Variants in ANK2 observed in about 807,000 individuals in gnomAD.
ANK2 encodes the protein ankyrin-2.
Under a neutral mutation model 360.5 loss-of-function variants are expected in ANK2, and 83 were observed. The observed-to-expected ratio is 0.23, with a 90% CI of 0.19 to 0.28. The LOEUF (loss-of-function observed/expected upper bound fraction) is 0.28, where lower values mean the gene tolerates loss of function less well. Ranked by LOEUF, ANK2 falls within the 10% of genes least tolerant of loss-of-function variation. The pLI, the probability that ANK2 is intolerant of heterozygous loss-of-function variation, is 1.00. For missense variants in ANK2, 4,201 were observed against 4,795.7 expected (o/e 0.88, Z 3.66); for synonymous variants, 1,740 against 1,759.5 (o/e 0.99, Z 0.28).
At position 113,281,791 on chromosome 4, in the gene ANK2, G is replaced by A. The variant is rs2062498058; in HGVS notation, c.1882-884G>A. ...GTATAGAGTTTTGTTCTTGTAAGCAGAGTATGAGTTTTCCTGTCCCTCTCC... is the reference window on the plus strand; with the variant it reads ...GTATAGAGTTTTGTTCTTGTAAGCAAAGTATGAGTTTTCCTGTCCCTCTCC... On this transcript the variant is annotated intron_variant, in intron 17 of 45. Transcript: ENST00000357077. Among the ~76,000 whole-genome samples, 3 of 152,234 alleles carry A rather than the reference G, an allele frequency of 2.0e-5. No individual in the cohort carries two copies. The South Asian group carries it at 6.2e-4, about 32-fold the overall frequency.
At chr4:112,936,788 TTTTG>T (rs955705548) in intron 2 of ANK2, among the ~76,000 whole-genome samples, 7 of 151,658 alleles carry the variant, frequency 4.6e-5, no homozygotes, top group East Asian at 1.9e-4. Context: ...ATAATTTTTT[TTTTG>T]TTTGTTTGTT....
the ANK2 span, among the ~76,000 whole-genome samples, chr4:112,758,757 T>TA: frequency 6.6e-6 from 1 of 152,168 alleles, no homozygotes; most frequent in African/African-American, 2.4e-5. Context: ...CTTTGCCAAA[T>TA]ACTGTAGTAA....
rs895926386 is a variant in ANK2, at chr4:113,354,724, A to T, written c.6106A>T (p.Ile2036Leu). Reference protein sequence around the residue: ...KVRVEKEKGPILTQREAQKTE... With the variant: ...KVRVEKEKGPLLTQREAQKTE... The stretch of plus-strand genomic sequence containing the variant: ...TCGGGTAGAAAAAGAAAAGGGGCCG[A>T]TACTAACCCAGAGAGAAGCTCAGAA... Residue 2036 changes from isoleucine to leucine, a missense_variant, in exon 38 of 46, where the codon ATA becomes TTA. Transcript: ENST00000357077. 1.2e-6 allele frequency: 2 copies of T among 1,613,640 alleles called. No individual in the cohort carries two copies. Among genetic ancestry groups the T allele is most frequent in the African/African-American group, 1.3e-5 (1 of 74,826 alleles).
At chr4:113,055,946 G>A (rs1421660940) in intron 1 of ANK2, among the ~76,000 whole-genome samples, 2 of 152,068 alleles carry the variant, frequency 1.3e-5, no homozygotes, top group Non-Finnish European at 2.9e-5. Flanking sequence ...TTCCAAAAAT[G>A]CTCACTCTTA....
intron 1 of ANK2, among the ~76,000 whole-genome samples, chr4:113,113,445 T>A (rs543673373): frequency 6.6e-6 from 1 of 152,200 alleles, no homozygotes; most frequent in South Asian, 2.1e-4. Flanking sequence ...ATCAATGGAG[T>A]GCTGGACAGT....
At chr4:113,184,165 C>T (rs534544963) in intron 2 of ANK2, among the ~76,000 whole-genome samples, 1 of 150,892 alleles carries the variant, frequency 6.6e-6, no homozygotes, top group African/African-American at 2.4e-5. Flanking sequence ...CAGATTTAGC[C>T]CAGAGTATTT....
chr4:112,825,709 G>C (rs2058282428), intron 1 of ANK2, among the ~76,000 whole-genome samples: 1 of 152,108 alleles, frequency 6.6e-6, no homozygotes, highest in Non-Finnish European at 1.5e-5. Flanking sequence ...TGACATAAGA[G>C]CCTTCAGAAA....
intron 1 of ANK2, among the ~76,000 whole-genome samples, chr4:113,164,604 G>A (rs114227404): frequency 0.012 from 1,877 of 152,256 alleles, 35 homozygotes; most frequent in African/African-American, 0.043. Flanking sequence ...GAGACCAATG[G>A]GGATAAAAAT....
intron 4 of ANK2, among the ~76,000 whole-genome samples, chr4:113,220,881 C>T (rs976166045): frequency 6.6e-6 from 1 of 152,238 alleles, no homozygotes; most frequent in African/African-American, 2.4e-5. Context: ...TTATTGGACA[C>T]TTACTATGTT....
intron 1 of ANK2, among the ~76,000 whole-genome samples, chr4:112,888,743 A>T (rs982234696): frequency 4.6e-5 from 7 of 152,204 alleles, no homozygotes; most frequent in Non-Finnish European, 8.8e-5. Flanking sequence ...TGGTCTGATT[A>T]TAGTTAATCC....
intron 38 of ANK2, among the ~76,000 whole-genome samples, chr4:113,360,456 C>G (rs181927338): frequency 3.9e-5 from 6 of 151,972 alleles, no homozygotes; most frequent in African/African-American, 1.2e-4. Context: ...GCCAATTGCT[C>G]TACTTCTGCA....
chr4:113,201,723 G>A (rs6533673), intron 4 of ANK2, among the ~76,000 whole-genome samples: 90,091 of 152,038 alleles, frequency 0.59, 26,908 homozygotes, highest in African/African-American at 0.67. Flanking sequence ...TGTTAAAGCT[G>A]TGATACCAGT....
chr4:112,721,778 T>C, the ANK2 span, among the ~76,000 whole-genome samples: 1 of 152,120 alleles, frequency 6.6e-6, no homozygotes, highest in Admixed American at 6.5e-5. Context: ...TATGCAGGTG[T>C]GATGAAAATG....
chr4:112,988,448 T>C (rs1449099521), intron 2 of ANK2, among the ~76,000 whole-genome samples: 2 of 152,138 alleles, frequency 1.3e-5, no homozygotes, highest in East Asian at 1.9e-4. Context: ...GGTTCTGAGA[T>C]GTGAAAGAAA....
chr4:113,268,254 C>T (rs372453298), intron 14 of ANK2, among the ~76,000 whole-genome samples: 1 of 152,176 alleles, frequency 6.6e-6, no homozygotes, highest in South Asian at 2.1e-4. Flanking sequence ...CCTCCCCTTG[C>T]CTGATTGCCC....
chr4:112,784,839 A>G, the ANK2 span, among the ~76,000 whole-genome samples: 1 of 152,206 alleles, frequency 6.6e-6, no homozygotes. Context: ...AAATTTTCCA[A>G]GTGGTGCACA....
chr4:112,878,181 T>TCTATCTATCTATCTATCTAC (rs1432663415), intron 1 of ANK2, among the ~76,000 whole-genome samples: 1 of 151,728 alleles, frequency 6.6e-6, no homozygotes, highest in Non-Finnish European at 1.5e-5. Context: ...TATCTATCTA[T>TCTATCTATCTATCTATCTAC]CTCCTTTTGC....
At chr4:112,959,088 G>A (rs951914159) in intron 2 of ANK2, among the ~76,000 whole-genome samples, 1 of 152,008 alleles carries the variant, frequency 6.6e-6, no homozygotes, top group Admixed American at 6.5e-5. Flanking sequence ...GACCTCAGGT[G>A]ATCCGCCCGC....
the ANK2 span, among the ~76,000 whole-genome samples, chr4:112,736,464 C>CA: frequency 1.9e-3 from 242 of 127,570 alleles, no homozygotes; most frequent in Middle Eastern, 0.013. Flanking sequence ...GACTCCGTCT[C>CA]AAAAAAAAAA....
Sources: gnomAD v4.1 joint callset for allele counts (sites outside exome capture counted in the v4.1 genomes callset) on GRCh38, gnomAD v4.1.1 for gene constraint, MANE v1.5 for transcripts, NCBI Gene and HGNC (gene_info 2026-07-23, HGNC 2026-07-21) for gene names.